Variants in SAMMSON observed in about 807,000 individuals in gnomAD.
SAMMSON encodes long intergenic non-protein coding RNA 1212.
At chr3:70,174,666 G>T (rs1024439671) in intron 4 of SAMMSON, among the ~76,000 whole-genome samples, 1 of 151,952 alleles carries the variant, frequency 6.6e-6, no homozygotes, top group Non-Finnish European at 1.5e-5. Context: ...TAGTTTTATT[G>T]TATTCATATG....
chr3:70,116,668 C>T (rs1291319330), intron 4 of SAMMSON, among the ~76,000 whole-genome samples: 7 of 152,036 alleles, frequency 4.6e-5, no homozygotes, highest in African/African-American at 1.7e-4. Flanking sequence ...TCTATAACTA[C>T]CGTGTTTTGT....
chr3:70,378,814 A>G (rs977312509), intron 9 of SAMMSON, among the ~76,000 whole-genome samples: 1 of 152,100 alleles, frequency 6.6e-6, no homozygotes, highest in African/African-American at 2.4e-5. Context: ...TGACAAAAAT[A>G]GTAAATAACC....
intron 6 of SAMMSON, among the ~76,000 whole-genome samples, chr3:70,257,789 A>C (rs191592424): frequency 6.6e-6 from 1 of 152,230 alleles, no homozygotes; most frequent in African/African-American, 2.4e-5. Context: ...AGCAGCAGGC[A>C]TGTGTAGAAA....
At chr3:70,086,863 C>T (rs976511328) in intron 4 of SAMMSON, among the ~76,000 whole-genome samples, 1 of 152,116 alleles carries the variant, frequency 6.6e-6, no homozygotes, top group Non-Finnish European at 1.5e-5. Flanking sequence ...TGGGTTTATT[C>T]ATTTAATCCC....
intron 4 of SAMMSON, chr3:70,125,793 C>T (rs986911206): frequency 7.6e-6 from 5 of 659,074 alleles, no homozygotes; most frequent in Non-Finnish European, 1.4e-5. Flanking sequence ...CATGGCGCTG[C>T]CTTATTGTTT....
At chr3:70,054,773 A>C (rs1370733303) in intron 3 of SAMMSON, among the ~76,000 whole-genome samples, 1 of 152,104 alleles carries the variant, frequency 6.6e-6, no homozygotes, top group Non-Finnish European at 1.5e-5. Context: ...GTGGTCAGCT[A>C]GAAAAAGTTC....
intron 3 of SAMMSON, among the ~76,000 whole-genome samples, chr3:70,055,445 A>G (rs1008701782): frequency 1.3e-5 from 2 of 152,128 alleles, no homozygotes; most frequent in Non-Finnish European, 2.9e-5. Context: ...TACCACTCTA[A>G]GGCTATGAGA....
chr3:70,128,299 A>G (rs2106672282), intron 4 of SAMMSON, among the ~76,000 whole-genome samples: 1 of 152,272 alleles, frequency 6.6e-6, no homozygotes, highest in Non-Finnish European at 1.5e-5. Context: ...AGCTGCCAAG[A>G]ATGTGTATAT....
intron 9 of SAMMSON, among the ~76,000 whole-genome samples, chr3:70,383,440 A>G (rs544717912): frequency 1.3e-5 from 2 of 152,112 alleles, no homozygotes; most frequent in African/African-American, 4.8e-5. Context: ...CGTAAATGCT[A>G]TAATTAGTCA....
intron 4 of SAMMSON, chr3:70,071,712 A>G (rs1183281096): frequency 6.6e-6 from 1 of 152,026 alleles, no homozygotes; most frequent in Non-Finnish European, 1.5e-5. Context: ...ATGATGATCA[A>G]CCTTTGCTAA....
Position 70,126,496 on chromosome 3 carries a change from G to A in SAMMSON, n.507+54931G>A, listed in dbSNP as rs9880658. ...TCAGCAAGTCCTCTTTCTCCTCAGC[G>A]GTCAGCTCAGCTGGCAGGTGCCTCA... On this transcript the variant is annotated intron_variant and non_coding_transcript_variant, in intron 4 of 9. Coordinates refer to ENST00000642114, the Ensembl canonical transcript of SAMMSON. 1,078 of 631,772 alleles carry A rather than the reference G, an allele frequency of 1.7e-3. 7 individuals carry two copies. In the African/African-American group the frequency reaches 0.017, roughly 10 times the overall value. The allele number at this position is 631,772 out of a possible 1,614,324, so 39.1% of individuals were successfully genotyped here.
intron 3 of SAMMSON, among the ~76,000 whole-genome samples, chr3:70,023,996 C>T (rs1299366475): frequency 6.9e-6 from 1 of 145,628 alleles, no homozygotes; most frequent in Admixed American, 6.9e-5. Flanking sequence ...TGGTGCAGCT[C>T]TTCCTTCCTA....
intron 4 of SAMMSON, among the ~76,000 whole-genome samples, chr3:70,091,115 C>T (rs540813365): frequency 2.6e-5 from 4 of 152,200 alleles, no homozygotes; most frequent in Admixed American, 2.0e-4. Flanking sequence ...GATGGCTTAG[C>T]GTATTGTACT....
chr3:70,217,213 A>C (rs1701421069), intron 4 of SAMMSON, among the ~76,000 whole-genome samples: 1 of 152,132 alleles, frequency 6.6e-6, no homozygotes, highest in Non-Finnish European at 1.5e-5. Flanking sequence ...AGGGAATTAA[A>C]GAATGCTTAG....
At chr3:70,282,905 G>T (rs1702102984) in intron 6 of SAMMSON, among the ~76,000 whole-genome samples, 1 of 152,106 alleles carries the variant, frequency 6.6e-6, no homozygotes, top group South Asian at 2.1e-4. Context: ...TCTCTCCCCA[G>T]GATGAAATAG....
At chr3:70,290,148 G>A (rs1702217500) in intron 6 of SAMMSON, among the ~76,000 whole-genome samples, 1 of 152,098 alleles carries the variant, frequency 6.6e-6, no homozygotes, top group East Asian at 1.9e-4. Context: ...GCTTTTTAGA[G>A]TTTCCAGTTT....
intron 4 of SAMMSON, among the ~76,000 whole-genome samples, chr3:70,167,080 A>T (rs190635001): frequency 7.1e-4 from 108 of 152,152 alleles, no homozygotes; most frequent in African/African-American, 2.4e-3. Flanking sequence ...TATTTAACTC[A>T]TATATCCAAA....
At chr3:70,021,431 TTCA>T (rs2067013012) in intron 3 of SAMMSON, among the ~76,000 whole-genome samples, 1 of 152,330 alleles carries the variant, frequency 6.6e-6, no homozygotes, top group South Asian at 2.1e-4. Flanking sequence ...AATGATGAAG[TTCA>T]TCCACTTATA....
intron 7 of SAMMSON, among the ~76,000 whole-genome samples, chr3:70,300,021 A>C (rs1488944190): frequency 2.0e-5 from 3 of 152,112 alleles, no homozygotes; most frequent in Admixed American, 6.6e-5. Flanking sequence ...ATATTCCATC[A>C]GTTTGTATTG....
Sources: allele counts gnomAD v4.1 joint callset (sites outside exome capture counted in the v4.1 genomes callset), GRCh38; gene constraint gnomAD v4.1.1; transcripts MANE v1.5; gene names NCBI Gene and HGNC (gene_info 2026-07-23, HGNC 2026-07-21).